The following RBPJ variants were observed in gnomAD, a reference collection of about 807,000 sequenced individuals.
RBPJ encodes the protein recombination signal binding protein for immunoglobulin kappa J region, also known as recombining binding protein suppressor of hairless.
RBPJ carries 9 observed loss-of-function variants against 67.8 expected under a neutral mutation model. The ratio of observed to expected loss-of-function variants is 0.13; its 90% confidence interval spans 0.08 to 0.23. RBPJ has a LOEUF of 0.23. Ranked by LOEUF, RBPJ falls within the 10% of genes least tolerant of loss-of-function variation. The probability of loss-of-function intolerance (pLI) is 1.00; values close to 1 mark genes in which losing one functional copy is unlikely to be tolerated. For synonymous variants in RBPJ, 198 were observed against 203.3 expected (o/e 0.97, Z 0.22); for missense variants, 305 against 595.6 (o/e 0.51, Z 5.08).
intron 2 of RBPJ, among the ~76,000 whole-genome samples, chr4:26,401,887 CT>C (rs58935903): frequency 0.033 from 4,308 of 129,662 alleles, 154 homozygotes; most frequent in African/African-American, 0.11. Context: ...TTCTTTCTTT[CT>C]TTTTTTTTTT....
At position 26,264,701 on chromosome 4, in the gene RBPJ, G is replaced by C. The variant is rs1225663394; in HGVS notation, c.-166-97745G>C. Among the ~76,000 whole-genome samples the C allele has an allele frequency of 6.6e-6, 1 of 152,162 alleles. No homozygotes were observed. Among genetic ancestry groups the C allele is most frequent in the Non-Finnish European group, 1.5e-5 (1 of 68,042 alleles). Reference sequence around the variant, plus strand: ...CACCATGCCCTTGACCTGGCTAACTGCTCATTGCTTTGAGTCTCAGCTTAG... The same window carrying C: ...CACCATGCCCTTGACCTGGCTAACTCCTCATTGCTTTGAGTCTCAGCTTAG... On this transcript the variant is annotated intron_variant, in intron 1 of 4. Transcript: ENST00000512351. This position sits in a 1 kb window ranked among gnomAD's most constrained non-coding sequence, Gnocchi z 4.1.
At chr4:26,195,627 C>T (rs1283267462) in intron 1 of RBPJ, among the ~76,000 whole-genome samples, 1 of 152,048 alleles carries the variant, frequency 6.6e-6, no homozygotes, top group Non-Finnish European at 1.5e-5. Flanking sequence ...CGGAGTCTCA[C>T]TCGGTCGCCC....
chr4:26,118,850 C>G, the RBPJ span, among the ~76,000 whole-genome samples: 1 of 152,208 alleles, frequency 6.6e-6, no homozygotes, highest in African/African-American at 2.4e-5. Flanking sequence ...ACTATTTGCA[C>G]TCTCCATCAC....
At chr4:26,226,979 T>G (rs920729363) in intron 1 of RBPJ, among the ~76,000 whole-genome samples, 2 of 152,208 alleles carry the variant, frequency 1.3e-5, no homozygotes, top group Admixed American at 6.5e-5. Flanking sequence ...TCTTTACTGA[T>G]CATAAAATAA....
upstream of RBPJ, among the ~76,000 whole-genome samples, chr4:26,315,841 A>C (rs1722592459): frequency 6.6e-6 from 1 of 152,264 alleles, no homozygotes; most frequent in Admixed American, 6.5e-5. Flanking sequence ...ATTCCTTGCT[A>C]GGAAAAAAAT....
chr4:26,401,842 A>G (rs969220295), intron 2 of RBPJ, among the ~76,000 whole-genome samples: 3 of 147,420 alleles, frequency 2.0e-5, no homozygotes. Context: ...TTGTCAGGAT[A>G]TTGGCCTTCT....
intron 1 of RBPJ, among the ~76,000 whole-genome samples, chr4:26,271,978 A>G (rs922520657): frequency 8.5e-5 from 13 of 152,162 alleles, no homozygotes; most frequent in African/African-American, 2.9e-4. Flanking sequence ...CAGCTTCCAG[A>G]TTTCTGTAGG....
chr4:26,278,498 G>A (rs1721153486), intron 1 of RBPJ, among the ~76,000 whole-genome samples: 1 of 152,188 alleles, frequency 6.6e-6, no homozygotes, highest in South Asian at 2.1e-4. Flanking sequence ...TAAAATTGAT[G>A]TGCATATTCA....
At chr4:26,282,774 G>A (rs375070888) in intron 1 of RBPJ, among the ~76,000 whole-genome samples, 1 of 151,966 alleles carries the variant, frequency 6.6e-6, no homozygotes, top group Non-Finnish European at 1.5e-5. Context: ...ACCCACCTTG[G>A]CCTCCCAAAG....
At chr4:26,210,660 T>TC in intron 1 of RBPJ, among the ~76,000 whole-genome samples, 1 of 44,076 alleles carries the variant, frequency 2.3e-5, no homozygotes, top group South Asian at 7.8e-4. Flanking sequence ...GCTTTCTTTC[T>TC]TTTTTCTTTC....
At chr4:26,275,510 A>T (rs1721049458) in intron 1 of RBPJ, among the ~76,000 whole-genome samples, 1 of 152,190 alleles carries the variant, frequency 6.6e-6, no homozygotes, top group African/African-American at 2.4e-5. Context: ...GGACTATGTG[A>T]CTCGGGTGTG....
intron 3 of RBPJ, among the ~76,000 whole-genome samples, chr4:26,415,175 C>G (rs1361879360): frequency 6.6e-6 from 1 of 152,104 alleles, no homozygotes; most frequent in Non-Finnish European, 1.5e-5. Context: ...TTGCTGAACT[C>G]TGGTAATTTA....
At chr4:26,242,746 TAA>T (rs1419615217) in intron 1 of RBPJ, among the ~76,000 whole-genome samples, 3 of 151,564 alleles carry the variant, frequency 2.0e-5, no homozygotes. Context: ...TTATTTTATT[TAA>T]GAGTCTCCTT....
chr4:26,216,286 A>G (rs1173076401), intron 1 of RBPJ, among the ~76,000 whole-genome samples: 2 of 152,164 alleles, frequency 1.3e-5, no homozygotes, highest in South Asian at 2.1e-4. Context: ...CCCAGGGACT[A>G]GAAGAACATA....
In RBPJ at chr4:26,241,958, G is replaced by A. The variant is rs574314732; in HGVS notation, c.-167+78344G>A. Among the ~76,000 whole-genome samples the A allele has an allele frequency of 7.9e-5, 12 of 152,208 alleles. No homozygotes were observed. In the South Asian group the frequency reaches 1.0e-3, roughly 13 times the overall value. The stretch of plus-strand genomic sequence containing the variant: ...AGTAGCTCTTGAAGTGCTCAATACC[G>A]CACAGTCTAACCAAAGAGAGCACAA... On this transcript the variant is annotated intron_variant, in intron 1 of 4. Transcript: ENST00000512351.
chr4:26,291,580 CT>C lies in RBPJ; in HGVS notation c.-166-70852del, dbSNP rs1264126269. On this transcript the variant is annotated intron_variant, in intron 1 of 4. Coordinates refer to the RBPJ transcript ENST00000512351. ...TGACAAGACAAGCAGGTATGAATGACTTTTTTTTTTTTTTGAGATGGAGTCT... is the reference window on the plus strand; with the variant it reads ...TGACAAGACAAGCAGGTATGAATGACTTTTTTTTTTTTTGAGATGGAGTCT... 2.1e-3 allele frequency among the ~76,000 whole-genome samples: 291 copies of C among 141,598 alleles called. 2 individuals carry two copies. The highest frequency in any genetic ancestry group is 2.4e-3 in the Admixed American group (34 of 14,108). 92.9% of individuals were successfully genotyped at this position (141,598 alleles called of 152,430 possible).
At chr4:26,197,193 G>T (rs560400210) in intron 1 of RBPJ, among the ~76,000 whole-genome samples, 24 of 152,280 alleles carry the variant, frequency 1.6e-4, no homozygotes, top group Middle Eastern at 6.8e-3. Context: ...GCAAGGTTGT[G>T]GTGACCAGTG....
At position 26,350,473 on chromosome 4, in the gene RBPJ, A is replaced by G. The variant is rs112366167; in HGVS notation, c.20+29425A>G. Among the ~76,000 whole-genome samples the G allele has an allele frequency of 3.3e-3, 498 of 152,346 alleles. 1 individual carries two copies. The highest frequency in any genetic ancestry group is 0.02 in the South Asian group (99 of 4,830). On this transcript the variant is annotated intron_variant, in intron 1 of 10. Coordinates refer to ENST00000355476, the MANE Select transcript of RBPJ (RefSeq NM_015874.6). ...TACTTATCTTACACTATTATATAAA[A>G]TAAACCTTAAAAGAGACATCTGAAC...
chr4:26,312,766 A>G (rs1722475323), intron 1 of RBPJ, among the ~76,000 whole-genome samples: 1 of 152,234 alleles, frequency 6.6e-6, no homozygotes, highest in Non-Finnish European at 1.5e-5. Flanking sequence ...GGGAGTCCTT[A>G]GAGGCTGGGT....
Sources: gnomAD v4.1 joint callset for allele counts (sites outside exome capture counted in the v4.1 genomes callset) on GRCh38, gnomAD v4.1.1 for gene constraint, Gnocchi (gnomAD v3.1) non-coding constraint, MANE v1.5 for transcripts, NCBI Gene and HGNC (gene_info 2026-07-23, HGNC 2026-07-21) for gene names.